The following PSME4 variants were observed in gnomAD, a reference collection of about 807,000 sequenced individuals.
PSME4 encodes proteasome activator complex subunit 4.
PSME4 carries 89 observed loss-of-function variants against 253.9 expected under a neutral mutation model. That is an observed-to-expected ratio of 0.35 (90% CI 0.30 to 0.42). PSME4 has a LOEUF of 0.42. Ranked by LOEUF, PSME4 falls within the 10% of genes least tolerant of loss-of-function variation. The pLI, the probability that PSME4 is intolerant of heterozygous loss-of-function variation, is 1.00. For synonymous variants in PSME4, 851 were observed against 759.2 expected (o/e 1.12, Z -1.99); for missense variants, 2,014 against 2,195.2 (o/e 0.92, Z 1.65).
intron 20 of PSME4, among the ~76,000 whole-genome samples, chr2:53,910,489 T>C (rs947702128): frequency 6.6e-6 from 1 of 152,214 alleles, no homozygotes; most frequent in Non-Finnish European, 1.5e-5. Context: ...CTAAAGCATA[T>C]AGAGCTGACA....
chr2:53,932,235 C>T (rs1362481609), intron 9 of PSME4, 135 bp from the exon 10 acceptor site: 3 of 726,606 alleles, frequency 4.1e-6, no homozygotes, highest in African/African-American at 1.8e-5. Context: ...AACTGCACAG[C>T]ATAACTAGAT....
At chr2:53,913,730 T>C (rs1341137960) in intron 20 of PSME4, among the ~76,000 whole-genome samples, 1 of 152,218 alleles carries the variant, frequency 6.6e-6, no homozygotes, top group African/African-American at 2.4e-5. Flanking sequence ...AAAGGGTCAC[T>C]AAATAAAGAG....
At chr2:53,949,013 G>C in intron 2 of PSME4, 130 bp downstream of exon 2, 1 of 1,236,822 alleles carries the variant, frequency 8.1e-7, no homozygotes, top group Non-Finnish European at 1.1e-6. Context: ...TTAAGATAAT[G>C]TTTTTTGCAA....
Position 53,898,196 on chromosome 2 carries a change from G to A in PSME4, c.3476+105C>T, listed in dbSNP as rs550252795. ...AATCTGCTTCCAAATACACAAACCGGAATATAACTTTTTGTGACATAGTCA... is the reference window on the plus strand; with the variant it reads ...AATCTGCTTCCAAATACACAAACCGAAATATAACTTTTTGTGACATAGTCA... On this transcript the variant is annotated intron_variant, in intron 30 of 46. Coordinates refer to ENST00000404125, the MANE Select transcript of PSME4 (RefSeq NM_014614.3). 6.6e-5 allele frequency: 82 copies of A among 1,249,320 alleles called. No homozygotes were observed. The African/African-American group carries it at 9.9e-4, about 15-fold the overall frequency. The allele number at this position is 1,249,320 out of a possible 1,614,324, so 77.4% of individuals were successfully genotyped here.
At chr2:53,912,916 C>T (rs918925556) in intron 20 of PSME4, among the ~76,000 whole-genome samples, 2 of 152,276 alleles carry the variant, frequency 1.3e-5, no homozygotes, top group African/African-American at 4.8e-5. Flanking sequence ...TAGCTTTTAG[C>T]TATGCACATA....
Position 53,887,285 on chromosome 2 carries a change from G to A in PSME4, c.4703C>T (p.Thr1568Ile). 6.2e-7 allele frequency: 1 copy of A among 1,613,850 alleles called. No homozygotes were observed. Among genetic ancestry groups the A allele is most frequent in the Non-Finnish European group, 8.5e-7 (1 of 1,179,796 alleles). The change falls in exon 40 of 47, where the codon ACT (threonine) becomes ATT (isoleucine). Residue 1568 changes from threonine (T) to isoleucine (I), a missense_variant. By Grantham distance (89) the Thr-to-Ile change is moderately conservative. This residue lies in a region of PSME4 where 403 missense variants were observed against 556.1 expected (regional missense o/e 0.72). Coordinates refer to ENST00000404125, the MANE Select transcript of PSME4 (RefSeq NM_014614.3). ...ENGIGEEDER[T>I]QGIKLLKTIL... is the part of the protein sequence containing the mutation. ...GGTTTTCAAGAGTTTAATGCCCTGA[G>A]TTCGCTCATCTTCTTCACCAATTCC...
Position 53,919,153 on chromosome 2 carries a change from G to A in PSME4, c.2514C>T (p.Asn838=). ...LPPLKGEPVT[N]LVPSMVSLEE... ...GGAAAACAGTTATTTTTACTTACAAGTTAGTAACTGGCTCTCCTTTCAACG... is the reference window on the plus strand; with the variant it reads ...GGAAAACAGTTATTTTTACTTACAAATTAGTAACTGGCTCTCCTTTCAACG... Residue 838 remains asparagine, a splice_region_variant and synonymous_variant, in exon 20 of 47, where the codon AAC becomes AAT. Coordinates refer to ENST00000404125, the MANE Select transcript of PSME4 (RefSeq NM_014614.3). 6.2e-7 allele frequency: 1 copy of A among 1,609,428 alleles called. No homozygotes were observed. Among genetic ancestry groups the A allele is most frequent in the South Asian group, 1.1e-5 (1 of 90,224 alleles).
intron 24 of PSME4, 117 bp downstream of exon 24, chr2:53,908,203 A>T: frequency 1.4e-6 from 1 of 725,982 alleles, no homozygotes; most frequent in South Asian, 2.1e-5. Context: ...CATACTTTTA[A>T]ATCTACTATT....
rs762290817 is a variant in PSME4 at position 53,932,106 on chromosome 2, G to A, written c.1051-6C>T. ...AGTAGTTTCATTAACTTGTTCTGGG[G>A]ACACAGAAGCAAAAAGTTCTAAGTA... On this transcript the variant is annotated splice_polypyrimidine_tract_variant and splice_region_variant and intron_variant, in intron 9 of 46. Transcript: ENST00000404125. 2.5e-6 allele frequency: 4 copies of A among 1,610,942 alleles called. No individual in the cohort carries two copies. The African/African-American group carries it at 5.4e-5, about 22-fold the overall frequency.
chr2:53,917,054 TTATTAAG>T, intron 20 of PSME4, among the ~76,000 whole-genome samples: 1 of 135,720 alleles, frequency 7.4e-6, no homozygotes, highest in East Asian at 2.4e-4. Flanking sequence ...TTTCATTATA[TTATTAAG>T]TATCAGGAAG....
chr2:53,970,134 G>C (rs931477728), intron 1 of PSME4, among the ~76,000 whole-genome samples: 3 of 152,164 alleles, frequency 2.0e-5, no homozygotes, highest in Non-Finnish European at 4.4e-5. Context: ...GAAGCAAGGA[G>C]ACAAGTCAAG....
chr2:53,876,486 C>G (rs1679125883), intron 41 of PSME4, among the ~76,000 whole-genome samples: 1 of 151,960 alleles, frequency 6.6e-6, no homozygotes, highest in South Asian at 2.1e-4. Context: ...CTGTGTATTT[C>G]TTTCATTGAT....
At chr2:53,880,068 G>A (rs752013883) in intron 41 of PSME4, among the ~76,000 whole-genome samples, 17 of 152,162 alleles carry the variant, frequency 1.1e-4, no homozygotes, top group Non-Finnish European at 2.2e-4. Context: ...CAAAATGGCA[G>A]GACATCCATA....
At chr2:53,887,769 C>A in intron 39 of PSME4, 89 bp downstream of exon 39, 1 of 1,400,158 alleles carries the variant, frequency 7.1e-7, no homozygotes, top group Non-Finnish European at 9.7e-7. Context: ...CCACTGACAA[C>A]ATAACCAGCA....
intron 12 of PSME4, among the ~76,000 whole-genome samples, chr2:53,926,486 C>A (rs1388056698): frequency 6.6e-6 from 1 of 152,116 alleles, no homozygotes; most frequent in Non-Finnish European, 1.5e-5. Context: ...CCAGTCTGGC[C>A]AACATGGCAA....
intron 38 of PSME4, chr2:53,888,283 G>T (rs1383603252): frequency 7.9e-6 from 2 of 252,978 alleles, no homozygotes; most frequent in Non-Finnish European, 1.5e-5. Context: ...CATTAATTAA[G>T]TGCTTCTTCT....
intron 24 of PSME4, 38 bp from the exon 25 acceptor site, chr2:53,906,906 C>G: frequency 6.3e-7 from 1 of 1,587,276 alleles, no homozygotes; most frequent in Non-Finnish European, 8.6e-7. Context: ...TCAACATTTT[C>G]CCTAAATGAC....
At chr2:53,924,013 C>A (rs1162381840) in intron 14 of PSME4, among the ~76,000 whole-genome samples, 2 of 149,804 alleles carry the variant, frequency 1.3e-5, no homozygotes, top group Non-Finnish European at 3.0e-5. Context: ...GAAGCAAATG[C>A]AATTTAATTG....
At chr2:53,961,300 T>C (rs1670486184) in intron 1 of PSME4, among the ~76,000 whole-genome samples, 2 of 152,192 alleles carry the variant, frequency 1.3e-5, no homozygotes, top group Admixed American at 6.5e-5. Context: ...TTGGTGTTCA[T>C]ATAGAATGAG....
Sources: gnomAD v4.1 joint callset for allele counts (sites outside exome capture counted in the v4.1 genomes callset) on GRCh38, gnomAD v4.1.1 for gene constraint, gnomAD v4.1.1 regional missense constraint, MANE v1.5 for transcripts, NCBI Gene and HGNC (gene_info 2026-07-23, HGNC 2026-07-21) for gene names.